Variants in TANC2 observed in about 807,000 individuals in gnomAD.
The protein encoded by TANC2 is protein TANC2.
A neutral mutation model predicts 210.5 loss-of-function variants in TANC2; 26 were observed. That is an observed-to-expected ratio of 0.12 (90% CI 0.09 to 0.17). The LOEUF (loss-of-function observed/expected upper bound fraction) is 0.17, where lower values mean the gene tolerates loss of function less well. Among genes scored for constraint, TANC2 ranks in the 10% least tolerant of loss-of-function variants. TANC2 has a pLI of 1.00. For synonymous variants in TANC2, 931 were observed against 967.1 expected (o/e 0.96, Z 0.69); for missense variants, 2,129 against 2,608.9 (o/e 0.82, Z 4.01).
intron 5 of TANC2, among the ~76,000 whole-genome samples, chr17:63,181,937 C>T (rs2040799000): frequency 6.6e-6 from 1 of 152,190 alleles, no homozygotes; most frequent in Admixed American, 6.5e-5. Context: ...ACAGTTGTAT[C>T]ACTCCAGTGA....
chr17:63,192,821 A>C (rs2041228950), intron 5 of TANC2, among the ~76,000 whole-genome samples: 1 of 152,246 alleles, frequency 6.6e-6, no homozygotes, highest in Non-Finnish European at 1.5e-5. Context: ...TATATGCTAA[A>C]TAAATATATA....
At chr17:63,285,309 C>G (rs2044187884) in intron 9 of TANC2, among the ~76,000 whole-genome samples, 1 of 151,932 alleles carries the variant, frequency 6.6e-6, no homozygotes, top group African/African-American at 2.4e-5. Context: ...CTGCTTTTCT[C>G]TATTTTGCTA....
At chr17:63,284,243 A>C (rs1438066075) in intron 9 of TANC2, among the ~76,000 whole-genome samples, 1 of 151,994 alleles carries the variant, frequency 6.6e-6, no homozygotes, top group African/African-American at 2.4e-5. Context: ...AACATTGCAA[A>C]TCACATTGAT....
At chr17:63,114,832 A>G (rs192536751) in intron 4 of TANC2, among the ~76,000 whole-genome samples, 12 of 152,370 alleles carry the variant, frequency 7.9e-5, no homozygotes, top group Admixed American at 3.9e-4. Flanking sequence ...ACCAAGGGGA[A>G]GAGCTTAACT....
chr17:63,275,234 ATGG>A (rs2043836380), intron 9 of TANC2, among the ~76,000 whole-genome samples: 1 of 152,194 alleles, frequency 6.6e-6, no homozygotes, highest in Non-Finnish European at 1.5e-5. Flanking sequence ...TTCTCAATAT[ATGG>A]TGGTTTCCTT....
intron 1 of TANC2, among the ~76,000 whole-genome samples, chr17:63,002,459 C>G (rs1374022022): frequency 6.6e-6 from 1 of 152,084 alleles, no homozygotes; most frequent in Non-Finnish European, 1.5e-5. Flanking sequence ...TCCATCAATC[C>G]ACCTTATTTT....
intron 1 of TANC2, among the ~76,000 whole-genome samples, chr17:63,004,216 T>A (rs934884156): frequency 1.3e-5 from 2 of 152,178 alleles, no homozygotes; most frequent in African/African-American, 4.8e-5. Context: ...CAACTGCTGC[T>A]CTTTTGAGGG....
intron 14 of TANC2, among the ~76,000 whole-genome samples, chr17:63,375,118 T>C (rs1041878464): frequency 6.6e-6 from 1 of 152,210 alleles, no homozygotes; most frequent in Admixed American, 6.5e-5. Context: ...GAATTAAATC[T>C]CAGTGCTCAA....
intron 15 of TANC2, among the ~76,000 whole-genome samples, chr17:63,387,273 C>T (rs1001457409): frequency 3.3e-5 from 5 of 152,202 alleles, no homozygotes; most frequent in African/African-American, 1.2e-4. Context: ...GTGTATCTAG[C>T]CTTCCCACAG....
intron 5 of TANC2, chr17:63,154,654 C>G (rs1157991021): frequency 6.6e-6 from 1 of 152,076 alleles, no homozygotes; most frequent in African/African-American, 2.4e-5. Context: ...ATGCTTGGCT[C>G]ATAGTCAGTG....
At chr17:63,103,103 A>G (rs974108032) in intron 4 of TANC2, among the ~76,000 whole-genome samples, 4 of 152,180 alleles carry the variant, frequency 2.6e-5, no homozygotes, top group Admixed American at 2.6e-4. Context: ...GGGGACAGCC[A>G]CATAGGTTTT....
intron 7 of TANC2, among the ~76,000 whole-genome samples, chr17:63,215,186 C>T (rs2041992861): frequency 6.6e-6 from 1 of 152,172 alleles, no homozygotes; most frequent in African/African-American, 2.4e-5. Context: ...ACTAACAGAA[C>T]TTCAAAATGA....
chr17:63,331,133 C>T (rs1361086071), intron 11 of TANC2, among the ~76,000 whole-genome samples: 1 of 152,144 alleles, frequency 6.6e-6, no homozygotes, highest in African/African-American at 2.4e-5. Flanking sequence ...AGTGTGTTTC[C>T]AAATATTCTT....
At chr17:63,211,252 C>T (rs1286529585) in intron 7 of TANC2, among the ~76,000 whole-genome samples, 1 of 152,172 alleles carries the variant, frequency 6.6e-6, no homozygotes, top group Non-Finnish European at 1.5e-5. Flanking sequence ...TTTTGGCTCT[C>T]ATTTGCCTGT....
At chr17:63,352,772 C>T (rs953337830) in intron 13 of TANC2, among the ~76,000 whole-genome samples, 1 of 152,080 alleles carries the variant, frequency 6.6e-6, no homozygotes, top group East Asian at 1.9e-4. Flanking sequence ...AGAAAATGAG[C>T]CTTCATTTAT....
chr17:63,200,146 A>G (rs1299156292), intron 6 of TANC2, among the ~76,000 whole-genome samples: 3 of 152,012 alleles, frequency 2.0e-5, no homozygotes, highest in Non-Finnish European at 2.9e-5. Context: ...ACCTGAGGTC[A>G]GGAGTTCGAG....
chr17:63,218,761 TG>T (rs1323554932), intron 7 of TANC2, among the ~76,000 whole-genome samples: 1 of 151,964 alleles, frequency 6.6e-6, no homozygotes. Context: ...CTGGGTATGG[TG>T]GTAGACACCT....
At chr17:63,099,308 C>A in exon 4 of TANC2, 1 of 1,565,422 alleles carries the variant, frequency 6.4e-7, no homozygotes, top group Non-Finnish European at 8.7e-7. Context: ...CCCCCTTACT[C>A]ACACATCAGT....
At chr17:63,132,520 G>C (rs1211869966) in intron 4 of TANC2, among the ~76,000 whole-genome samples, 5 of 152,190 alleles carry the variant, frequency 3.3e-5, no homozygotes, top group African/African-American at 1.2e-4. Context: ...TTCTCTGGCA[G>C]AATGCTAGTT....
Sources: gnomAD v4.1 joint callset for allele counts (sites outside exome capture counted in the v4.1 genomes callset) on GRCh38, gnomAD v4.1.1 for gene constraint, MANE v1.5 for transcripts, NCBI Gene and HGNC (gene_info 2026-07-23, HGNC 2026-07-21) for gene names.